HERC4: variants seen among roughly 807,000 people sequenced by gnomAD.
HERC4 encodes HECT and RLD domain containing E3 ubiquitin protein ligase 4.
HERC4 carries 28 observed loss-of-function variants against 124.3 expected under a neutral mutation model. The observed-to-expected ratio is 0.23, with a 90% CI of 0.17 to 0.31. HERC4 has a LOEUF of 0.31. Ranked by LOEUF, HERC4 falls within the 10% of genes least tolerant of loss-of-function variation. The pLI, the probability that HERC4 is intolerant of heterozygous loss-of-function variation, is 1.00. For missense variants in HERC4, 713 were observed against 1,229.3 expected, an observed-to-expected ratio of 0.58 and a Z score of 6.28; for synonymous variants, 407 against 421.5, an observed-to-expected ratio of 0.97 and a Z score of 0.42.
intron 9 of HERC4, chr10:68,007,911 C>T (rs964552498): frequency 4.6e-5 from 7 of 152,370 alleles, no homozygotes; most frequent in African/African-American, 1.7e-4. Context: ...AGTGCAGACA[C>T]CCAATCAGCA....
chr10:67,986,784 G>C (rs1053963792), intron 15 of HERC4, among the ~76,000 whole-genome samples: 6 of 152,110 alleles, frequency 3.9e-5, no homozygotes, highest in Non-Finnish European at 8.8e-5. Flanking sequence ...ACAGTGGTAG[G>C]AAGCAACACA....
chr10:67,967,847 T>C (rs573325199), intron 15 of HERC4, among the ~76,000 whole-genome samples: 11 of 150,994 alleles, frequency 7.3e-5, no homozygotes, highest in Admixed American at 2.0e-4. Context: ...ATCAGACAAA[T>C]CCTGATTATG....
At chr10:68,019,242 C>T (rs1314687803) in intron 8 of HERC4, among the ~76,000 whole-genome samples, 5 of 151,944 alleles carry the variant, frequency 3.3e-5, no homozygotes, top group Admixed American at 2.0e-4. Flanking sequence ...GTGATCCACC[C>T]GCCTCGGCCT....
intron 19 of HERC4, among the ~76,000 whole-genome samples, chr10:67,946,486 T>C (rs1201569851): frequency 1.3e-5 from 2 of 151,684 alleles, no homozygotes; most frequent in Non-Finnish European, 1.5e-5. Flanking sequence ...AGATATTCCA[T>C]GCAAATGTTA....
intron 4 of HERC4, chr10:68,039,372 C>T (rs749664734): frequency 2.7e-6 from 4 of 1,507,390 alleles, no homozygotes; most frequent in South Asian, 2.6e-5. Context: ...TGGGGAGGTA[C>T]ACAATATGTT....
intron 15 of HERC4, among the ~76,000 whole-genome samples, chr10:67,979,608 G>A (rs1032409296): frequency 6.6e-6 from 1 of 152,008 alleles, no homozygotes; most frequent in Admixed American, 6.6e-5. Flanking sequence ...AGAACACCAA[G>A]CAGACTTAAT....
chr10:68,036,422 A>G (rs2039472699), intron 5 of HERC4, among the ~76,000 whole-genome samples: 1 of 152,208 alleles, frequency 6.6e-6, no homozygotes, highest in African/African-American at 2.4e-5. Flanking sequence ...TGTCCTCAGT[A>G]AAACCTTTGA....
chr10:67,970,860 GA>G (rs879292789), intron 15 of HERC4, among the ~76,000 whole-genome samples: 21 of 148,362 alleles, frequency 1.4e-4, no homozygotes, highest in South Asian at 4.2e-4. Flanking sequence ...TAAGAATCTA[GA>G]AAAAAAAAGA....
chr10:67,995,138 T>C (rs1361747086), intron 9 of HERC4: 2 of 361,306 alleles, frequency 5.5e-6, no homozygotes, highest in African/African-American at 4.3e-5. Context: ...AATTGGTGGT[T>C]GAATCTAGAC....
chr10:68,035,159 T>TC (rs1007434777), intron 5 of HERC4, among the ~76,000 whole-genome samples: 2 of 150,504 alleles, frequency 1.3e-5, no homozygotes, highest in African/African-American at 4.9e-5. Context: ...AACCACTCTT[T>TC]TTTTTTTTTT....
At chr10:68,023,621 T>C (rs2038756905) in intron 8 of HERC4, among the ~76,000 whole-genome samples, 1 of 152,164 alleles carries the variant, frequency 6.6e-6, no homozygotes, top group Non-Finnish European at 1.5e-5. Flanking sequence ...ATTCTAGAGA[T>C]GAATGGTGAT....
intron 3 of HERC4, among the ~76,000 whole-genome samples, chr10:68,059,274 G>C (rs2040709070): frequency 6.6e-6 from 1 of 151,040 alleles, no homozygotes; most frequent in African/African-American, 2.4e-5. Flanking sequence ...TTACAAATTA[G>C]AGAAAATTGA....
At chr10:68,037,051 C>CACTA (rs1011933959) in intron 5 of HERC4, among the ~76,000 whole-genome samples, 3 of 149,646 alleles carry the variant, frequency 2.0e-5, no homozygotes, top group African/African-American at 7.4e-5. Flanking sequence ...TAAATAGTAA[C>CACTA]ACTAAATAGT....
At chr10:67,936,905 A>G (rs2032413839) in intron 21 of HERC4, among the ~76,000 whole-genome samples, 1 of 152,152 alleles carries the variant, frequency 6.6e-6, no homozygotes, top group African/African-American at 2.4e-5. Flanking sequence ...GATGTTTACT[A>G]TCTAGTAAAG....
intron 3 of HERC4, among the ~76,000 whole-genome samples, chr10:68,063,436 C>T (rs2041136713): frequency 6.6e-6 from 1 of 152,118 alleles, no homozygotes; most frequent in Admixed American, 6.6e-5. Flanking sequence ...TCTTGAACTC[C>T]TGACCTTGTG....
At chr10:68,068,537 G>A (rs1463669026) in intron 3 of HERC4, 3 of 153,480 alleles carry the variant, frequency 2.0e-5, no homozygotes, top group Non-Finnish European at 4.2e-5. Flanking sequence ...GCACATAAGT[G>A]TAGTCCCAAC....
intron 22 of HERC4, among the ~76,000 whole-genome samples, chr10:67,933,674 T>C (rs183105913): frequency 6.6e-6 from 1 of 152,264 alleles, no homozygotes; most frequent in East Asian, 1.9e-4. Context: ...TAAAAACAGC[T>C]TTATTTTTAT....
chr10:67,974,083 C>T (rs929146547), intron 15 of HERC4, among the ~76,000 whole-genome samples: 1,391 of 90,742 alleles, frequency 0.015, 46 homozygotes, highest in African/African-American at 0.029. Flanking sequence ...TACACACACA[C>T]ACACACACAC....
chr10:67,933,159 G>A (rs1231188937), intron 22 of HERC4, among the ~76,000 whole-genome samples: 1 of 152,076 alleles, frequency 6.6e-6, no homozygotes, highest in East Asian at 1.9e-4. Context: ...CAAACAATAG[G>A]TGACAAAAAA....
Sources: allele counts gnomAD v4.1 joint callset (sites outside exome capture counted in the v4.1 genomes callset), GRCh38; gene constraint gnomAD v4.1.1; transcripts MANE v1.5; gene names NCBI Gene and HGNC (gene_info 2026-07-23, HGNC 2026-07-21).